FBXL20: variants seen among roughly 807,000 people sequenced by gnomAD.
FBXL20 encodes F-box and leucine rich repeat protein 20, also known as F-box/LRR-repeat protein 20.
Under a neutral mutation model 64.0 loss-of-function variants are expected in FBXL20, and 11 were observed. The observed-to-expected ratio is 0.17, with a 90% CI of 0.11 to 0.28. FBXL20 has a LOEUF of 0.28. Ranked by LOEUF, FBXL20 falls within the 10% of genes least tolerant of loss-of-function variation. The probability of loss-of-function intolerance (pLI) is 1.00; values close to 1 mark genes in which losing one functional copy is unlikely to be tolerated. For synonymous variants in FBXL20, 184 were observed against 189.0 expected (o/e 0.97, Z 0.22); for missense variants, 303 against 526.2 (o/e 0.58, Z 4.15).
At chr17:39,386,297 A>C (rs2048079441) in intron 1 of FBXL20, among the ~76,000 whole-genome samples, 1 of 151,262 alleles carries the variant, frequency 6.6e-6, no homozygotes, top group East Asian at 1.9e-4. Flanking sequence ...ACAGAGCAAG[A>C]CTCTGTCTCA....
At chr17:39,402,293 G>GCCGCCT (rs1567913072), upstream of FBXL20, 8 of 1,078,428 alleles carry the variant, frequency 7.4e-6, no homozygotes, top group East Asian at 3.2e-5. Context: ...TGCCGCCGCC[G>GCCGCCT]CCGCCTCCCC....
chr17:39,370,892 T>G (rs1385188845), intron 1 of FBXL20, among the ~76,000 whole-genome samples: 2 of 152,098 alleles, frequency 1.3e-5, no homozygotes, highest in African/African-American at 4.8e-5. Flanking sequence ...TTTGTGGATT[T>G]CCTAGAACCT....
chr17:39,299,171 A>T, intron 4 of FBXL20, 87 bp from the exon 5 acceptor site: 1 of 970,304 alleles, frequency 1.0e-6, no homozygotes, highest in Non-Finnish European at 1.6e-6. Flanking sequence ...ATTTATAAAC[A>T]AAGAGAAAAT....
chr17:39,322,479 T>A (rs2047366173), intron 2 of FBXL20, among the ~76,000 whole-genome samples: 1 of 152,112 alleles, frequency 6.6e-6, no homozygotes, highest in South Asian at 2.1e-4. Flanking sequence ...AACATATAAA[T>A]TTTTAATTAA....
chr17:39,364,182 C>T lies in FBXL20; in HGVS notation c.43-20941G>A, dbSNP rs549009845. 7.2e-5 allele frequency among the ~76,000 whole-genome samples: 11 copies of T among 152,190 alleles called. No individual in the cohort carries two copies. In the South Asian group the frequency reaches 2.3e-3, roughly 32 times the overall value. On this transcript the variant is annotated intron_variant, in intron 1 of 14. Coordinates refer to ENST00000264658, the MANE Select transcript of FBXL20 (RefSeq NM_032875.3). ...TGGGATTACAAGATGTGAGCCACTG[C>T]GCCTGGGTCCCAATGAATCATATCT...
chr17:39,377,855 C>T (rs752203159), intron 1 of FBXL20, among the ~76,000 whole-genome samples: 10 of 152,140 alleles, frequency 6.6e-5, no homozygotes, highest in Non-Finnish European at 1.2e-4. Flanking sequence ...GCAAGGTGAA[C>T]TCCTTGAGCA....
At chr17:39,361,258 C>G (rs1202278807) in intron 1 of FBXL20, among the ~76,000 whole-genome samples, 1 of 151,906 alleles carries the variant, frequency 6.6e-6, no homozygotes, top group Non-Finnish European at 1.5e-5. Flanking sequence ...ATCAGAGAAG[C>G]CAAGCAGATT....
chr17:39,294,854 A>G (rs1022157267), intron 6 of FBXL20, among the ~76,000 whole-genome samples: 4 of 152,180 alleles, frequency 2.6e-5, no homozygotes, highest in Non-Finnish European at 5.9e-5. Context: ...TCTACTAAAA[A>G]TACAAAAATT....
chr17:39,394,984 C>A (rs927472181), intron 1 of FBXL20, among the ~76,000 whole-genome samples: 9 of 151,992 alleles, frequency 5.9e-5, no homozygotes, highest in Non-Finnish European at 1.0e-4. Flanking sequence ...TATAAATTTG[C>A]AAGAAAAGTG....
intron 1 of FBXL20, among the ~76,000 whole-genome samples, chr17:39,398,918 C>T (rs552642500): frequency 6.6e-6 from 1 of 152,230 alleles, no homozygotes; most frequent in East Asian, 1.9e-4. Context: ...CGTGATCCAC[C>T]CACCTCGGCC....
chr17:39,289,997 T>TAAAAA (rs1567865610), intron 6 of FBXL20, among the ~76,000 whole-genome samples: 1 of 33,002 alleles, frequency 3.0e-5, no homozygotes, highest in African/African-American at 2.4e-4. Context: ...AGACTCAGTC[T>TAAAAA]CAAAAAAAAA....
intron 1 of FBXL20, among the ~76,000 whole-genome samples, chr17:39,343,450 C>T (rs1326602469): frequency 1.3e-5 from 2 of 152,284 alleles, no homozygotes; most frequent in East Asian, 1.9e-4. Context: ...AAAACAAGAG[C>T]AGTCAGAAGG....
chr17:39,338,457 C>G (rs1371210934), intron 2 of FBXL20, among the ~76,000 whole-genome samples: 1 of 152,182 alleles, frequency 6.6e-6, no homozygotes. Context: ...ACTTGTTTAT[C>G]TGCTGACCTT....
intron 2 of FBXL20, among the ~76,000 whole-genome samples, chr17:39,318,821 TTAAA>T (rs1278330528): frequency 6.6e-6 from 1 of 152,128 alleles, no homozygotes; most frequent in East Asian, 1.9e-4. Flanking sequence ...CCTCTTCTTC[TTAAA>T]TAAACCCAGA....
At chr17:39,334,356 T>G (rs1479573411) in intron 2 of FBXL20, among the ~76,000 whole-genome samples, 2 of 152,032 alleles carry the variant, frequency 1.3e-5, no homozygotes, top group African/African-American at 4.8e-5. Flanking sequence ...GCCCACTGCC[T>G]AGGAAAACCA....
chr17:39,390,354 A>G (rs1404796196), intron 1 of FBXL20, among the ~76,000 whole-genome samples: 5 of 151,948 alleles, frequency 3.3e-5, no homozygotes, highest in African/African-American at 1.2e-4. Flanking sequence ...TGGGGTCATG[A>G]GTTCAAGACT....
At chr17:39,328,870 T>A (rs1207794397) in intron 2 of FBXL20, among the ~76,000 whole-genome samples, 3 of 151,964 alleles carry the variant, frequency 2.0e-5, no homozygotes, top group Admixed American at 6.6e-5. Context: ...CTAGGCAACA[T>A]AATGAGATCC....
At chr17:39,398,036 C>G (rs56114949) in intron 1 of FBXL20, among the ~76,000 whole-genome samples, 1 of 62,936 alleles carries the variant, frequency 1.6e-5, no homozygotes, top group African/African-American at 4.9e-5. Context: ...GGGAGGCCGG[C>G]GGGCGGGGGG....
At chr17:39,279,496 C>T (rs1483208197) in intron 9 of FBXL20, among the ~76,000 whole-genome samples, 4 of 149,060 alleles carry the variant, frequency 2.7e-5, no homozygotes, top group Non-Finnish European at 4.5e-5. Context: ...TGAGACTTCA[C>T]CTCAAAAAAA....
Sources: allele counts gnomAD v4.1 joint callset (sites outside exome capture counted in the v4.1 genomes callset), GRCh38; gene constraint gnomAD v4.1.1; transcripts MANE v1.5; gene names NCBI Gene and HGNC (gene_info 2026-07-23, HGNC 2026-07-21).